TENT5D: variants seen among roughly 807,000 people sequenced by gnomAD.
TENT5D encodes terminal nucleotidyltransferase 5D, also known as cancer/testis antigen 112.
For synonymous variants in TENT5D, 103 were observed against 100.6 expected, an observed-to-expected ratio of 1.02 and a Z score of -0.15; for missense variants, 191 against 287.0, an observed-to-expected ratio of 0.67 and a Z score of 2.42.
At chrX:80,425,804 G>A (rs1055276078) in intron 1 of TENT5D, among the ~76,000 whole-genome samples, 3 of 111,286 alleles carry the variant, frequency 2.7e-5, no homozygotes, top group African/African-American at 9.8e-5. Flanking sequence ...TGAGGTAGGC[G>A]GATTACAAGG....
rs759887628 is a variant in TENT5D, at chrX:80,399,286, T to C, written c.-141-39324T>C. Reference sequence around the variant, plus strand: ...TTTAGTTCATTTTGAATTGATTTTATATATTGTGTGAGATGAGAGTCCAAT... The same window carrying C: ...TTTAGTTCATTTTGAATTGATTTTACATATTGTGTGAGATGAGAGTCCAAT... On this transcript the variant is annotated intron_variant, in intron 3 of 4. Coordinates refer to the TENT5D transcript ENST00000538312. 4.4e-5 allele frequency among the ~76,000 whole-genome samples: 5 copies of C among 112,479 alleles called. No homozygotes were observed. In the East Asian group the frequency reaches 1.4e-3, roughly 31 times the overall value.
chrX:80,380,015 TG>T (rs1930823752), intron 3 of TENT5D, among the ~76,000 whole-genome samples: 1 of 106,103 alleles, frequency 9.4e-6, no homozygotes, highest in Admixed American at 1.0e-4. Flanking sequence ...TGAATTTGTT[TG>T]CTCTTGCTTC....
chrX:80,346,486 C>G (rs779115777), intron 3 of TENT5D, among the ~76,000 whole-genome samples: 1 of 111,563 alleles, frequency 9.0e-6, no homozygotes, highest in Non-Finnish European at 1.9e-5. Flanking sequence ...TGTCACATAC[C>G]TTCACTGGCA....
At chrX:80,357,450 C>T (rs774446186) in intron 3 of TENT5D, among the ~76,000 whole-genome samples, 10 of 109,241 alleles carry the variant, frequency 9.2e-5, no homozygotes, top group African/African-American at 3.3e-4. Flanking sequence ...TAATGATCGC[C>T]ATTCTAACTG....
At chrX:80,426,065 T>C (rs369164315) in intron 1 of TENT5D, among the ~76,000 whole-genome samples, 1 of 110,662 alleles carries the variant, frequency 9.0e-6, no homozygotes, top group African/African-American at 3.3e-5. Flanking sequence ...TACTGAAATA[T>C]AACCTGAAGA....
chrX:80,408,983 G>C (rs1456698453), intron 3 of TENT5D, among the ~76,000 whole-genome samples: 1 of 110,852 alleles, frequency 9.0e-6, no homozygotes. Flanking sequence ...TATAAACAGA[G>C]CCAAAGACAA....
intron 3 of TENT5D, among the ~76,000 whole-genome samples, chrX:80,381,861 T>G (rs1424882304): frequency 5.4e-5 from 6 of 112,080 alleles, no homozygotes; most frequent in Non-Finnish European, 1.1e-4. Context: ...ATTCATCTAA[T>G]CTTTTTTCAA....
intron 2 of TENT5D, among the ~76,000 whole-genome samples, chrX:80,441,773 TA>T (rs1285386288): frequency 9.0e-6 from 1 of 111,407 alleles, no homozygotes; most frequent in Non-Finnish European, 1.9e-5. Context: ...GAACATTTTT[TA>T]AAGCTTAGGA....
At chrX:80,431,697 A>C (rs779355762) in intron 1 of TENT5D, among the ~76,000 whole-genome samples, 17 of 111,582 alleles carry the variant, frequency 1.5e-4, no homozygotes, top group African/African-American at 5.5e-4. Flanking sequence ...CATGAGACTC[A>C]TTATCATGAG....
At chrX:80,404,207 T>C (rs1931439266) in intron 3 of TENT5D, among the ~76,000 whole-genome samples, 1 of 111,767 alleles carries the variant, frequency 8.9e-6, no homozygotes, top group African/African-American at 3.3e-5. Context: ...AAATAAGTCA[T>C]TCATTTAGCC....
At chrX:80,411,313 C>A (rs1377320888) in intron 3 of TENT5D, among the ~76,000 whole-genome samples, 1 of 111,734 alleles carries the variant, frequency 8.9e-6, no homozygotes. Context: ...TTCTTAACAT[C>A]AAAACCCAAT....
intron 3 of TENT5D, among the ~76,000 whole-genome samples, chrX:80,412,585 C>G (rs777061491): frequency 9.0e-6 from 1 of 111,559 alleles, no homozygotes; most frequent in African/African-American, 3.3e-5. Context: ...TGCCAGATAC[C>G]GTAAATCATC....
At chrX:80,439,616 T>C (rs1219795037) in intron 2 of TENT5D, among the ~76,000 whole-genome samples, 1 of 110,955 alleles carries the variant, frequency 9.0e-6, no homozygotes, top group Non-Finnish European at 1.9e-5. Context: ...ACAGTAGCTG[T>C]GCCAAAAGGA....
intron 3 of TENT5D, among the ~76,000 whole-genome samples, chrX:80,385,458 C>T (rs373344712): frequency 3.6e-5 from 4 of 111,848 alleles, no homozygotes; most frequent in African/African-American, 9.8e-5. Flanking sequence ...AGACCTAAAA[C>T]CATAAAAACC....
chrX:80,365,869 A>G (rs1930500570), intron 3 of TENT5D, among the ~76,000 whole-genome samples: 1 of 110,704 alleles, frequency 9.0e-6, no homozygotes, highest in South Asian at 3.8e-4. Context: ...AAAAGAGATT[A>G]AATGAGATAA....
At chrX:80,342,731 GA>G (rs1196229088) in intron 3 of TENT5D, among the ~76,000 whole-genome samples, 1 of 111,845 alleles carries the variant, frequency 8.9e-6, no homozygotes, top group East Asian at 2.8e-4. Flanking sequence ...GAACAAGGTA[GA>G]AAAGAGTATC....
chrX:80,354,964 CA>C (rs1930255025), intron 3 of TENT5D, among the ~76,000 whole-genome samples: 1 of 111,563 alleles, frequency 9.0e-6, no homozygotes, highest in Admixed American at 9.6e-5. Flanking sequence ...CGGATGCTTT[CA>C]GGGGGCAAGT....
intron 3 of TENT5D, among the ~76,000 whole-genome samples, chrX:80,345,709 A>T (rs1930045285): frequency 8.9e-6 from 1 of 111,850 alleles, no homozygotes. Flanking sequence ...TCCATTTATC[A>T]TTTTGTCTTC....
chrX:80,339,872 T>TATAG (rs1556039069), intron 2 of TENT5D, among the ~76,000 whole-genome samples: 2,861 of 103,875 alleles, frequency 0.028, 54 homozygotes, highest in African/African-American at 0.059. Context: ...TATATATATA[T>TATAG]AGAGAGAGAG....
Sources: allele counts gnomAD v4.1 joint callset (sites outside exome capture counted in the v4.1 genomes callset), GRCh38; gene constraint gnomAD v4.1.1; transcripts MANE v1.5; gene names NCBI Gene and HGNC (gene_info 2026-07-23, HGNC 2026-07-21).